The following ARHGEF4 variants were observed in gnomAD, a reference collection of about 807,000 sequenced individuals.
ARHGEF4 encodes APC-stimulated guanine nucleotide exchange factor 1.
In ARHGEF4, 119 loss-of-function variants were observed where a neutral mutation model predicts 162.0. The observed-to-expected ratio is 0.73, with a 90% CI of 0.63 to 0.86. The LOEUF is 0.86. ARHGEF4 is among the 40% of genes least tolerant of loss of function. The probability of loss-of-function intolerance (pLI) is 0.00; values close to 1 mark genes in which losing one functional copy is unlikely to be tolerated. For synonymous variants in ARHGEF4, 1,014 were observed against 979.9 expected (o/e 1.03, Z -0.65); for missense variants, 2,488 against 2,456.0 (o/e 1.01, Z -0.28).
intron 4 of ARHGEF4, among the ~76,000 whole-genome samples, chr2:131,006,499 A>G (rs1453321798): frequency 6.6e-6 from 1 of 152,216 alleles, no homozygotes; most frequent in East Asian, 1.9e-4. Flanking sequence ...TGAGAAGATG[A>G]TGAGGGACTG....
At chr2:130,979,297 G>A (rs1175687843) in intron 4 of ARHGEF4, among the ~76,000 whole-genome samples, 1 of 152,128 alleles carries the variant, frequency 6.6e-6, no homozygotes, top group Non-Finnish European at 1.5e-5. Flanking sequence ...ATAACTTGAA[G>A]GAAGCTAAAC....
intron 4 of ARHGEF4, among the ~76,000 whole-genome samples, chr2:130,981,447 T>A (rs1573515976): frequency 6.6e-6 from 1 of 152,042 alleles, no homozygotes; most frequent in Non-Finnish European, 1.5e-5. Flanking sequence ...GATCCCAAGG[T>A]CGGGGGATCG....
chr2:130,958,988 C>G lies in ARHGEF4; in HGVS notation c.3985+12353C>G, dbSNP rs547835786. ...ATGAGGTCTTACTCTGTTGCCCAGG[C>G]TGGAGTGCAGTGGCATGATCTTGGC... On this transcript the variant is annotated intron_variant, in intron 4 of 13. Transcript: ENST00000409359. Among the ~76,000 whole-genome samples, 4 of 151,250 alleles carry G rather than the reference C, an allele frequency of 2.6e-5. No homozygotes were observed. In the South Asian group the frequency reaches 8.4e-4, roughly 32 times the overall value.
At chr2:131,011,847 T>G (rs1265326107) in intron 4 of ARHGEF4, 1 of 715,298 alleles carries the variant, frequency 1.4e-6, no homozygotes, top group Non-Finnish European at 2.5e-6. Flanking sequence ...AGCTGGAGGT[T>G]CTTGTGTCAC....
At chr2:130,875,286 AG>A (rs1678756313) in intron 1 of ARHGEF4, among the ~76,000 whole-genome samples, 1 of 152,130 alleles carries the variant, frequency 6.6e-6, no homozygotes, top group Admixed American at 6.5e-5. Flanking sequence ...ATCAGTCTCC[AG>A]CCCCGATATC....
At chr2:130,941,768 A>G (rs532402220) in intron 3 of ARHGEF4, among the ~76,000 whole-genome samples, 2 of 152,274 alleles carry the variant, frequency 1.3e-5, no homozygotes, top group East Asian at 1.9e-4. Context: ...TTCACATTCC[A>G]TAGGCTAAGG....
intron 4 of ARHGEF4, among the ~76,000 whole-genome samples, chr2:130,964,500 G>T (rs912071938): frequency 1.3e-5 from 2 of 152,248 alleles, no homozygotes; most frequent in East Asian, 1.9e-4. Flanking sequence ...CCGGGACCTT[G>T]TTGGCCCCCA....
rs750848622 is a variant in ARHGEF4 at position 130,974,107 on chromosome 2, TA to T, written c.3985+27487del. Among the ~76,000 whole-genome samples the T allele has an allele frequency of 7.1e-3, 949 of 134,550 alleles. 3 individuals carry two copies. The highest frequency in any genetic ancestry group is 0.01 in the African/African-American group (382 of 36,628). 88.3% of individuals were successfully genotyped at this position (134,550 alleles called of 152,430 possible). A position where few individuals can be genotyped will look rare whatever the true frequency, so the allele number is the denominator to read the frequency against. On this transcript the variant is annotated intron_variant, in intron 4 of 13. Coordinates refer to ENST00000409359, the MANE Select transcript of ARHGEF4 (RefSeq NM_001367493.1). ...CAACATGGCAAAACCTTGTCTCTAC[TA>T]AAAAAAAAAAAAAATTAGCCAGGCA... is the stretch of plus-strand genomic sequence containing the variant.
At position 130,876,753 on chromosome 2, in the gene ARHGEF4, T is replaced by C. The variant is rs569727013; in HGVS notation, c.40-37233T>C. On this transcript the variant is annotated intron_variant, in intron 1 of 13. Coordinates refer to ENST00000409359, the MANE Select transcript of ARHGEF4 (RefSeq NM_001367493.1). ...CCCACTCAAAGATGAGCAAACAAAATCTAAGAGAGTTAAAGTAACTTGCCC... is the reference window on the plus strand; with the variant it reads ...CCCACTCAAAGATGAGCAAACAAAACCTAAGAGAGTTAAAGTAACTTGCCC... Among the ~76,000 whole-genome samples the C allele has an allele frequency of 3.9e-5, 6 of 152,136 alleles. No individual in the cohort carries two copies. The South Asian group carries it at 1.3e-3, about 32-fold the overall frequency.
intron 1 of ARHGEF4, among the ~76,000 whole-genome samples, chr2:130,887,579 G>T (rs1002926799): frequency 6.6e-6 from 1 of 151,834 alleles, no homozygotes; most frequent in African/African-American, 2.4e-5. Flanking sequence ...TACTAGTTAC[G>T]TATGTGTTTG....
intron 4 of ARHGEF4, among the ~76,000 whole-genome samples, chr2:130,990,876 T>A (rs1686905323): frequency 1.3e-5 from 2 of 152,224 alleles, no homozygotes; most frequent in South Asian, 4.1e-4. Context: ...CCCTTGAGAA[T>A]TTGAAATCTT....
chr2:130,854,610 C>T (rs577060045), intron 1 of ARHGEF4, among the ~76,000 whole-genome samples: 1 of 152,324 alleles, frequency 6.6e-6, no homozygotes, highest in South Asian at 2.1e-4. Flanking sequence ...TGGAGGCCTG[C>T]TCCAAGCACA....
intron 1 of ARHGEF4, among the ~76,000 whole-genome samples, chr2:130,912,231 G>A (rs1014814320): frequency 7.9e-5 from 12 of 152,200 alleles, no homozygotes; most frequent in African/African-American, 1.9e-4. Context: ...AGGTAGGCAC[G>A]CTGAAGGCGT....
At chr2:130,969,511 A>G (rs555611085) in intron 4 of ARHGEF4, among the ~76,000 whole-genome samples, 1 of 152,064 alleles carries the variant, frequency 6.6e-6, no homozygotes, top group South Asian at 2.1e-4. Flanking sequence ...AGGCAGGAGA[A>G]TGGCATGAAT....
chr2:130,951,407 GT>G (rs754273174), intron 4 of ARHGEF4, among the ~76,000 whole-genome samples: 5 of 152,326 alleles, frequency 3.3e-5, no homozygotes, highest in Non-Finnish European at 7.3e-5. Context: ...CCATTACTGG[GT>G]TATTAATTGG....
chr2:131,040,063 C>A lies in ARHGEF4; in HGVS notation c.4353C>A (p.Ala1451=). ...DEPADDDAPL[A]GNSGAEDGGA... is the part of the protein sequence containing the mutation. Reference sequence around the variant, plus strand: ...CCGCGGATGACGACGCCCCTCTGGCCGGGAACAGCGGAGCGGAGGACGGCG... The same window carrying A: ...CCGCGGATGACGACGCCCCTCTGGCAGGGAACAGCGGAGCGGAGGACGGCG... The change falls in exon 7 of 14, where the codon GCC becomes GCA. Residue 1451 remains alanine, a synonymous_variant. Coordinates refer to ENST00000409359, the MANE Select transcript of ARHGEF4 (RefSeq NM_001367493.1). 1 of 1,593,354 alleles carries A rather than the reference C, an allele frequency of 6.3e-7. No homozygotes were observed.
At chr2:131,011,844 G>C (rs1688469538) in intron 4 of ARHGEF4, 1 of 717,572 alleles carries the variant, frequency 1.4e-6, no homozygotes, top group Non-Finnish European at 2.5e-6. Flanking sequence ...ACCAGCTGGA[G>C]GTTCTTGTGT....
chr2:130,999,358 A>ATGT, intron 4 of ARHGEF4, among the ~76,000 whole-genome samples: 1 of 151,706 alleles, frequency 6.6e-6, no homozygotes, highest in Non-Finnish European at 1.5e-5. Flanking sequence ...GGGTTTTACC[A>ATGT]TGTTAGCCAG....
At chr2:131,040,228 G>A (rs1451350765) in intron 7 of ARHGEF4, 33 bp from the exon 8 acceptor site, 1 of 1,609,428 alleles carries the variant, frequency 6.2e-7, no homozygotes, top group Non-Finnish European at 8.5e-7. Context: ...CTGGGGACCC[G>A]GTCGGGGGAG....
Sources: gnomAD v4.1 joint callset for allele counts (sites outside exome capture counted in the v4.1 genomes callset) on GRCh38, gnomAD v4.1.1 for gene constraint, MANE v1.5 for transcripts, NCBI Gene and HGNC (gene_info 2026-07-23, HGNC 2026-07-21) for gene names.